Variants in PTPRN2 observed in about 807,000 individuals in gnomAD.
The protein encoded by PTPRN2 is receptor-type tyrosine-protein phosphatase N2.
A neutral mutation model predicts 118.8 loss-of-function variants in PTPRN2; 74 were observed. That is an observed-to-expected ratio of 0.62 (90% confidence interval 0.52 to 0.76). The LOEUF (loss-of-function observed/expected upper bound fraction) is 0.76, where lower values mean the gene tolerates loss of function less well. Ranked by LOEUF, PTPRN2 falls within the 30% of genes least tolerant of loss-of-function variation. The pLI is 0.00. For missense variants in PTPRN2, 1,481 were observed against 1,394.4 expected, an observed-to-expected ratio of 1.06 and a Z score of -0.99; for synonymous variants, 641 against 608.0, an observed-to-expected ratio of 1.05 and a Z score of -0.80.
intron 11 of PTPRN2, among the ~76,000 whole-genome samples, chr7:158,080,741 A>C (rs1486810036): frequency 6.6e-6 from 1 of 152,196 alleles, no homozygotes; most frequent in Non-Finnish European, 1.5e-5. Flanking sequence ...AGTACATCTC[A>C]AAAATGTGTG....
At chr7:157,563,874 C>A (rs934269490) in intron 21 of PTPRN2, among the ~76,000 whole-genome samples, 1 of 152,108 alleles carries the variant, frequency 6.6e-6, no homozygotes, top group Non-Finnish European at 1.5e-5. Context: ...CCACAGACAG[C>A]AGATCAGGAC....
At chr7:158,521,210 C>T (rs1823967145) in intron 1 of PTPRN2, among the ~76,000 whole-genome samples, 2 of 152,200 alleles carry the variant, frequency 1.3e-5, no homozygotes, top group Non-Finnish European at 2.9e-5. Flanking sequence ...TTTCAATCCT[C>T]TGTTGGTCGA....
At chr7:158,039,697 C>T (rs1171519071) in intron 11 of PTPRN2, among the ~76,000 whole-genome samples, 2 of 152,080 alleles carry the variant, frequency 1.3e-5, no homozygotes, top group Non-Finnish European at 2.9e-5. Context: ...TTTCTTTTAT[C>T]CAATACAGCA....
intron 1 of PTPRN2, among the ~76,000 whole-genome samples, chr7:158,573,391 C>T (rs1197682410): frequency 1.3e-5 from 2 of 152,148 alleles, no homozygotes; most frequent in Non-Finnish European, 2.9e-5. Context: ...AAAAGTCATT[C>T]GTTGGTATCA....
intron 2 of PTPRN2, among the ~76,000 whole-genome samples, chr7:158,435,479 G>C (rs1013852640): frequency 6.6e-6 from 1 of 151,954 alleles, no homozygotes; most frequent in Non-Finnish European, 1.5e-5. Flanking sequence ...ATACTGTTGT[G>C]GGAATGCAAA....
At chr7:157,853,800 C>T (rs951613259) in intron 12 of PTPRN2, among the ~76,000 whole-genome samples, 1 of 152,226 alleles carries the variant, frequency 6.6e-6, no homozygotes, top group Non-Finnish European at 1.5e-5. Flanking sequence ...AGCCCAGTAC[C>T]TGTGGACGTG....
In PTPRN2 at chr7:158,215,844, T is replaced by C. The variant is rs77080725; in HGVS notation, c.278-10571A>G. On this transcript the variant is annotated intron_variant, in intron 3 of 22. Coordinates refer to ENST00000389418, the MANE Select transcript of PTPRN2 (RefSeq NM_002847.5). ...CCCAGAAAAAGGAAAATTGTGTTTT[T>C]CACCAGACCAACTCTGAAAGAATTA... Among the ~76,000 whole-genome samples, 1,578 of 152,272 alleles carry C rather than the reference T, an allele frequency of 0.01. 84 individuals are homozygous for C. The East Asian group carries it at 0.17, about 16-fold the overall frequency.
intron 3 of PTPRN2, among the ~76,000 whole-genome samples, chr7:158,268,115 C>T (rs550927258): frequency 1.8e-4 from 28 of 152,356 alleles, no homozygotes; most frequent in African/African-American, 6.7e-4. Context: ...TGTGTCTCAC[C>T]TGCAATCACA....
intron 3 of PTPRN2, 95 bp downstream of exon 3, chr7:158,316,724 G>A (rs1802354653): frequency 2.2e-6 from 2 of 904,064 alleles, no homozygotes; most frequent in African/African-American, 1.7e-5. Flanking sequence ...CGTGGATTCA[G>A]TCCGTCCCAG....
At chr7:157,570,458 T>C (rs1019564550) in intron 20 of PTPRN2, among the ~76,000 whole-genome samples, 2 of 152,268 alleles carry the variant, frequency 1.3e-5, no homozygotes, top group Non-Finnish European at 2.9e-5. Flanking sequence ...GATTTGGTGT[T>C]TGTTCTTTGG....
chr7:158,549,513 G>A (rs188860964), intron 1 of PTPRN2, among the ~76,000 whole-genome samples: 107 of 152,366 alleles, frequency 7.0e-4, no homozygotes, highest in Non-Finnish European at 3.5e-4. Flanking sequence ...TAAAATTCCC[G>A]TAAGCTACGG....
chr7:157,902,232 G>A (rs1042690815), intron 11 of PTPRN2, among the ~76,000 whole-genome samples: 52 of 152,222 alleles, frequency 3.4e-4, no homozygotes, highest in African/African-American at 1.9e-4. Flanking sequence ...CGGAAAGGGC[G>A]TCAGCTGCGG....
chr7:158,135,084 C>T (rs1383396331), intron 8 of PTPRN2, among the ~76,000 whole-genome samples: 1 of 152,144 alleles, frequency 6.6e-6, no homozygotes, highest in Non-Finnish European at 1.5e-5. Context: ...CCTCCTGGTG[C>T]ATGTGATGCC....
At chr7:157,839,920 G>A (rs1300752745) in intron 12 of PTPRN2, among the ~76,000 whole-genome samples, 9 of 151,692 alleles carry the variant, frequency 5.9e-5, no homozygotes, top group Non-Finnish European at 1.0e-4. Context: ...GGCCATATGT[G>A]ACTGTGTGAC....
In PTPRN2 at chr7:158,282,345, T is replaced by A. The variant is rs117081524; in HGVS notation, c.277+34474A>T. On this transcript the variant is annotated intron_variant, in intron 3 of 22. Transcript: ENST00000389418. ...AGTATTTTATTGTTAAACTCTATAA[T>A]GAAGCAACTGTCTTTGACTACACAA... Among the ~76,000 whole-genome samples, 742 of 152,386 alleles carry A rather than the reference T, an allele frequency of 4.9e-3. 11 individuals carry two copies. Among genetic ancestry groups the A allele is most frequent in the South Asian group, 0.024 (114 of 4,830 alleles).
chr7:158,455,931 A>G (rs1172175103), intron 2 of PTPRN2, among the ~76,000 whole-genome samples: 1 of 147,556 alleles, frequency 6.8e-6, no homozygotes, highest in Admixed American at 6.7e-5. Context: ...GCCATTGGCC[A>G]TGGCCACCCA....
intron 14 of PTPRN2, among the ~76,000 whole-genome samples, chr7:157,649,224 C>G (rs1415409372): frequency 2.5e-5 from 2 of 79,304 alleles, no homozygotes; most frequent in African/African-American, 4.5e-5. Flanking sequence ...ACCCATCCAG[C>G]GTGCACTGAA....
intron 3 of PTPRN2, among the ~76,000 whole-genome samples, chr7:158,221,623 AAG>A (rs386720287): frequency 0.035 from 5,389 of 152,224 alleles, 329 homozygotes; most frequent in African/African-American, 0.12. Flanking sequence ...CAGCAGGCAA[AAG>A]AGAGAATGAA....
At chr7:158,351,065 G>A (rs1171114098) in intron 2 of PTPRN2, among the ~76,000 whole-genome samples, 1 of 152,138 alleles carries the variant, frequency 6.6e-6, no homozygotes, top group Non-Finnish European at 1.5e-5. Flanking sequence ...ATCCCATTAC[G>A]AAATGAAAAG....
Sources: gnomAD v4.1 joint callset for allele counts (sites outside exome capture counted in the v4.1 genomes callset) on GRCh38, gnomAD v4.1.1 for gene constraint, MANE v1.5 for transcripts, NCBI Gene and HGNC (gene_info 2026-07-23, HGNC 2026-07-21) for gene names.